CAPN5: variants seen among roughly 807,000 people sequenced by gnomAD.
CAPN5 encodes the protein calpain-5.
CAPN5 carries 54 observed loss-of-function variants against 73.0 expected under a neutral mutation model. The ratio of observed to expected loss-of-function variants is 0.74; its 90% CI spans 0.59 to 0.93. The LOEUF is 0.93. CAPN5 is among the 40% of genes least tolerant of loss of function. The pLI is 0.00. For missense variants in CAPN5, 785 were observed against 882.9 expected, an observed-to-expected ratio of 0.89 and a Z score of 1.41; for synonymous variants, 335 against 356.9, an observed-to-expected ratio of 0.94 and a Z score of 0.69.
chr11:77,110,849 G>T (rs1246369332), intron 3 of CAPN5, among the ~76,000 whole-genome samples: 1 of 152,198 alleles, frequency 6.6e-6, no homozygotes, highest in Non-Finnish European at 1.5e-5. Flanking sequence ...AGCAGCTTTT[G>T]GCTGAAGTCT....
At chr11:77,106,276 C>T (rs556035909) in intron 3 of CAPN5, among the ~76,000 whole-genome samples, 31 of 151,210 alleles carry the variant, frequency 2.1e-4, no homozygotes, top group African/African-American at 6.1e-4. Flanking sequence ...CCCCCACCCC[C>T]GGTCTCTCAG....
chr11:77,067,232 G>GC (rs1338213713), intron 1 of CAPN5, 138 bp downstream of exon 1: 3 of 150,954 alleles, frequency 2.0e-5, no homozygotes, highest in African/African-American at 7.3e-5. Flanking sequence ...CCTCCCGCGG[G>GC]CCCGGGGGGA....
At chr11:77,110,113 C>T (rs941432995) in intron 3 of CAPN5, among the ~76,000 whole-genome samples, 8 of 148,078 alleles carry the variant, frequency 5.4e-5, no homozygotes, top group East Asian at 3.9e-4. Context: ...TGTATGGAAC[C>T]GCTCTTTTTT....
chr11:77,119,723 C>T lies in CAPN5; in HGVS notation c.1290+571C>T, dbSNP rs541981911. 27 of 155,762 alleles carry T rather than the reference C, an allele frequency of 1.7e-4. 1 individual carries two copies. Among genetic ancestry groups the T allele is most frequent in the Middle Eastern group, 6.8e-3 (2 of 296 alleles). The allele number at this position is 155,762 out of a possible 1,614,324, so 9.6% of individuals were successfully genotyped here. ...GACCTTGAGAACGGAATGAAGCCAC[C>T]GGGCCCTGCAGAGGCTGGGTACATG... On this transcript the variant is annotated intron_variant, in intron 9 of 12. Transcript: ENST00000648180.
chr11:77,094,812 G>A (rs1170457583), intron 3 of CAPN5, among the ~76,000 whole-genome samples: 5 of 152,248 alleles, frequency 3.3e-5, no homozygotes, highest in South Asian at 4.1e-4. Flanking sequence ...GTGCGGCATC[G>A]TGCTTGGCCA....
intron 1 of CAPN5, among the ~76,000 whole-genome samples, chr11:77,075,386 T>G (rs571370845): frequency 6.6e-6 from 1 of 152,260 alleles, no homozygotes; most frequent in East Asian, 1.9e-4. Flanking sequence ...GCTCCAAGTG[T>G]TGAGACACTC....
chr11:77,096,172 C>A (rs1351771753), intron 3 of CAPN5, among the ~76,000 whole-genome samples: 1 of 152,116 alleles, frequency 6.6e-6, no homozygotes, highest in Non-Finnish European at 1.5e-5. Flanking sequence ...CTGAGCTGCA[C>A]CCCTGCCCTC....
intron 1 of CAPN5, among the ~76,000 whole-genome samples, chr11:77,071,381 G>T (rs11237076): frequency 6.6e-6 from 1 of 152,082 alleles, no homozygotes; most frequent in Admixed American, 6.5e-5. Flanking sequence ...CTTTGACAGC[G>T]TGCTGGGCCT....
chr11:77,111,778 A>G (rs1469814766), intron 3 of CAPN5, among the ~76,000 whole-genome samples: 3 of 152,228 alleles, frequency 2.0e-5, no homozygotes, highest in Admixed American at 6.5e-5. Context: ...AAAGGTAAGT[A>G]TCTCAGATGA....
chr11:77,102,254 G>A (rs191852040), intron 3 of CAPN5, among the ~76,000 whole-genome samples: 1 of 152,294 alleles, frequency 6.6e-6, no homozygotes, highest in East Asian at 1.9e-4. Flanking sequence ...GGGTCCCGGG[G>A]TGTTTGGGAA....
At chr11:77,095,731 A>G (rs1004381810) in intron 3 of CAPN5, among the ~76,000 whole-genome samples, 4 of 152,192 alleles carry the variant, frequency 2.6e-5, no homozygotes, top group Admixed American at 2.0e-4. Flanking sequence ...CTTGGGCCCA[A>G]GTGGTTCCTG....
chr11:77,123,542 A>G, intron 12 of CAPN5, 146 bp from the exon 13 acceptor site: 1 of 686,220 alleles, frequency 1.5e-6, no homozygotes. Flanking sequence ...CCCGTAGTTC[A>G]TGGGGAGGCA....
chr11:77,118,847 C>T (rs1045523762), intron 8 of CAPN5, among the ~76,000 whole-genome samples, 183 bp from the exon 9 acceptor site: 2 of 152,232 alleles, frequency 1.3e-5, no homozygotes, highest in Non-Finnish European at 2.9e-5. Context: ...TGAGTTTCCC[C>T]AGCCTTCATG....
intron 1 of CAPN5, among the ~76,000 whole-genome samples, chr11:77,073,414 C>T (rs1250906522): frequency 6.6e-6 from 1 of 152,222 alleles, no homozygotes; most frequent in Non-Finnish European, 1.5e-5. Flanking sequence ...CCTGCTGTCC[C>T]TACACTCCCT....
chr11:77,103,358 C>G (rs766876099), intron 3 of CAPN5: 128 of 1,591,210 alleles, frequency 8.0e-5, no homozygotes, highest in Non-Finnish European at 1.1e-4. Context: ...CTGCTCTCCT[C>G]TAGCCCACCT....
At chr11:77,119,288 A>C in intron 9 of CAPN5, 136 bp downstream of exon 9, 2 of 998,822 alleles carry the variant, frequency 2.0e-6, no homozygotes, top group Non-Finnish European at 2.9e-6. Flanking sequence ...AGACATTGTG[A>C]GGATGCCGTG....
intron 2 of CAPN5, 71 bp from the exon 3 acceptor site, chr11:77,093,603 GTGTCTGTC>G: frequency 8.4e-7 from 1 of 1,187,084 alleles, no homozygotes; most frequent in South Asian, 1.5e-5. Flanking sequence ...TGTCACGTCT[GTGTCTGTC>G]ATGTCTCCTG....
rs1555042233 is a variant in CAPN5 at position 77,119,017 on chromosome 11, G to T, written c.1168-13G>T. The T allele has an allele frequency of 1.9e-6, 3 of 1,606,774 alleles. No individual in the cohort carries two copies. In the African/African-American group the frequency reaches 4.0e-5, roughly 21 times the overall value. ...ATTGCAGTGTCTCTCTCTCTCCTTG[G>T]CCACACCTGCAGTACATCTTCGAAG... On this transcript the variant is annotated splice_polypyrimidine_tract_variant and intron_variant, in intron 8 of 12. Coordinates refer to ENST00000648180, the MANE Select transcript of CAPN5 (RefSeq NM_004055.5).
intron 1 of CAPN5, among the ~76,000 whole-genome samples, chr11:77,079,002 A>G (rs994185871): frequency 2.0e-5 from 3 of 152,078 alleles, no homozygotes; most frequent in South Asian, 4.1e-4. Context: ...AATCAGTGAG[A>G]TGATCATATG....
Sources: gnomAD v4.1 joint callset for allele counts (sites outside exome capture counted in the v4.1 genomes callset) on GRCh38, gnomAD v4.1.1 for gene constraint, MANE v1.5 for transcripts, NCBI Gene and HGNC (gene_info 2026-07-23, HGNC 2026-07-21) for gene names.